The following EHMT1 variants were observed in gnomAD, a reference collection of about 807,000 sequenced individuals.
EHMT1 encodes the protein histone-lysine N-methyltransferase EHMT1.
Under a neutral mutation model 147.2 loss-of-function variants are expected in EHMT1, and 15 were observed. The ratio of observed to expected loss-of-function variants is 0.10; its 90% CI spans 0.07 to 0.16. The LOEUF is 0.16. Ranked by LOEUF, EHMT1 falls within the 10% of genes least tolerant of loss-of-function variation. The pLI, the probability that EHMT1 is intolerant of heterozygous loss-of-function variation, is 1.00. For synonymous variants in EHMT1, 795 were observed against 709.6 expected, an observed-to-expected ratio of 1.12 and a Z score of -1.91; for missense variants, 1,587 against 1,772.4, an observed-to-expected ratio of 0.90 and a Z score of 1.88.
intron 15 of EHMT1, among the ~76,000 whole-genome samples, chr9:137,783,266 AG>A (rs2136917663): frequency 6.6e-6 from 1 of 152,222 alleles, no homozygotes; most frequent in Non-Finnish European, 1.5e-5. Flanking sequence ...CTCATAACTC[AG>A]GTGTGGAACC....
chr9:137,788,724 G>A (rs1952222599), intron 15 of EHMT1: 1 of 152,236 alleles, frequency 6.6e-6, no homozygotes, highest in Admixed American at 6.5e-5. Flanking sequence ...GTAGCCGTTG[G>A]CGGGGAGTGC....
intron 1 of EHMT1, among the ~76,000 whole-genome samples, chr9:137,704,948 A>ATCCCC (rs1021646072): frequency 3.3e-5 from 3 of 90,392 alleles, no homozygotes; most frequent in African/African-American, 4.5e-5. Flanking sequence ...TCCCTTCTTT[A>ATCCCC]TCCCCTCCCC....
intron 1 of EHMT1, among the ~76,000 whole-genome samples, chr9:137,676,771 C>A (rs563580177): frequency 6.6e-6 from 1 of 152,270 alleles, no homozygotes; most frequent in South Asian, 2.1e-4. Context: ...GGTGGGGTCA[C>A]GGAATTCCGC....
chr9:137,791,532 CT>C (rs2137121245), intron 16 of EHMT1, among the ~76,000 whole-genome samples: 1 of 152,154 alleles, frequency 6.6e-6, no homozygotes, highest in South Asian at 2.1e-4. Context: ...GAATAAAATA[CT>C]TAGGAGTGAG....
chr9:137,805,861 C>T (rs932917207), intron 18 of EHMT1, among the ~76,000 whole-genome samples: 18 of 149,018 alleles, frequency 1.2e-4, no homozygotes, highest in African/African-American at 4.5e-4. Flanking sequence ...CGGGGTTTCA[C>T]CATCTTGGTC....
At chr9:137,626,793 T>C (rs1307415443) in intron 1 of EHMT1, among the ~76,000 whole-genome samples, 9 of 151,492 alleles carry the variant, frequency 5.9e-5, no homozygotes, top group Admixed American at 4.6e-4. Context: ...ATTTTTTTTT[T>C]TTTTTTTTTG....
rs1184381926 is a variant in EHMT1, at chr9:137,816,166, G to A, written c.3374+104G>A. The A allele has an allele frequency of 7.0e-6, 7 of 999,422 alleles. No homozygotes were observed. The East Asian group carries it at 1.0e-4, about 15-fold the overall frequency. The allele number at this position is 999,422 out of a possible 1,614,324, so 61.9% of individuals were successfully genotyped here. A position where few individuals can be genotyped will look rare whatever the true frequency, so the allele number is the denominator to read the frequency against. ...AAGAACTTAACGTGTTTGGATGCAC[G>A]CACATGTGTGTTTGCAGATAGAGCC... is the stretch of plus-strand genomic sequence containing the variant. On this transcript the variant is annotated intron_variant, in intron 23 of 26. Transcript: ENST00000460843.
At chr9:137,620,352 C>T (rs1183633725) in intron 1 of EHMT1, among the ~76,000 whole-genome samples, 1 of 152,150 alleles carries the variant, frequency 6.6e-6, no homozygotes. Flanking sequence ...TTAGATCAGG[C>T]GCCTCCCTCG....
chr9:137,669,816 G>C (rs1260707011), intron 1 of EHMT1, among the ~76,000 whole-genome samples: 1 of 152,066 alleles, frequency 6.6e-6, no homozygotes, highest in Non-Finnish European at 1.5e-5. Flanking sequence ...GCCTCTCAAA[G>C]CGCTGATATT....
In EHMT1 at chr9:137,754,266, T is replaced by G. The variant is rs1192059382; in HGVS notation, c.1344T>G (p.Ser448Arg). Reference sequence around the variant, plus strand: ...CAGCCAGGAAAAGGAGGCGGAGAAGTAGAAAGAAGCCCAGCGGTGCCCTCG... The same window carrying G: ...CAGCCAGGAAAAGGAGGCGGAGAAGGAGAAAGAAGCCCAGCGGTGCCCTCG... ...IKPARKRRRR[S>R]RKKPSGALGS... is the part of the protein sequence containing the mutation. The change falls in exon 8 of 27, where the codon AGT becomes AGG. Residue 448 changes from serine (S) to arginine (R), a missense_variant. By Grantham distance (110) the Ser-to-Arg change is moderately radical. Around this residue, in one of 7 missense-constraint regions of EHMT1, gnomAD observed 810 missense variants for 673.0 expected, o/e 1.20. Coordinates refer to ENST00000460843, the MANE Select transcript of EHMT1 (RefSeq NM_024757.5). The G allele has an allele frequency of 1.9e-6, 3 of 1,613,926 alleles. No individual in the cohort carries two copies. The highest frequency in any genetic ancestry group is 2.5e-6 in the Non-Finnish European group (3 of 1,179,948).
intron 1 of EHMT1, chr9:137,676,056 T>G (rs1363907457): frequency 2.6e-5 from 4 of 151,512 alleles, no homozygotes; most frequent in African/African-American, 9.7e-5. Flanking sequence ...AGTGCTGGGA[T>G]TACAGGCGTG....
chr9:137,631,021 A>G (rs1843592663), intron 1 of EHMT1, among the ~76,000 whole-genome samples: 1 of 152,084 alleles, frequency 6.6e-6, no homozygotes, highest in Non-Finnish European at 1.5e-5. Context: ...CTTGAGTGGT[A>G]TGGGTTAGTC....
intron 25 of EHMT1, among the ~76,000 whole-genome samples, chr9:137,824,965 C>T (rs988948477): frequency 3.3e-5 from 5 of 152,076 alleles, no homozygotes. Flanking sequence ...TCTGGAAGGT[C>T]GGGCATAATG....
At chr9:137,674,689 TA>T (rs1429088545) in intron 1 of EHMT1, among the ~76,000 whole-genome samples, 3 of 152,252 alleles carry the variant, frequency 2.0e-5, no homozygotes, top group Non-Finnish European at 4.4e-5. Flanking sequence ...GTGCCCATGC[TA>T]GGTGCCCGGG....
At chr9:137,777,700 A>G (rs549604091) in intron 12 of EHMT1, among the ~76,000 whole-genome samples, 182 bp from the exon 13 acceptor site, 1 of 152,198 alleles carries the variant, frequency 6.6e-6, no homozygotes, top group African/African-American at 2.4e-5. Flanking sequence ...AGTCTAGGAA[A>G]AGTTGCCCTA....
chr9:137,809,401 A>G (rs969983190), intron 18 of EHMT1, among the ~76,000 whole-genome samples: 1 of 152,196 alleles, frequency 6.6e-6, no homozygotes, highest in Non-Finnish European at 1.5e-5. Context: ...AGTCCCTGGG[A>G]TGTGGCGGCG....
At chr9:137,648,393 G>A (rs1048313824) in intron 1 of EHMT1, among the ~76,000 whole-genome samples, 4 of 151,152 alleles carry the variant, frequency 2.6e-5, no homozygotes, top group Admixed American at 6.6e-5. Flanking sequence ...GGTGGTTCAC[G>A]CCTGTAATCC....
intron 1 of EHMT1, among the ~76,000 whole-genome samples, chr9:137,675,802 T>TTTTTTTTTTTTTTTTTTTTTTG (rs35541714): frequency 1.9e-5 from 2 of 104,734 alleles, no homozygotes; most frequent in African/African-American, 8.4e-5. Flanking sequence ...TTTTTTTTTT[T>TTTTTTTTTTTTTTTTTTTTTTG]AGACGGAGTC....
At chr9:137,717,844 T>A (rs529615873) in intron 3 of EHMT1, among the ~76,000 whole-genome samples, 1 of 152,060 alleles carries the variant, frequency 6.6e-6, no homozygotes, top group Non-Finnish European at 1.5e-5. Flanking sequence ...CATTGAGAAG[T>A]GAATAGAAAT....
Sources: allele counts gnomAD v4.1 joint callset (sites outside exome capture counted in the v4.1 genomes callset), GRCh38; gene constraint gnomAD v4.1.1; regional missense constraint gnomAD v4.1.1; transcripts MANE v1.5; gene names NCBI Gene and HGNC (gene_info 2026-07-23, HGNC 2026-07-21).